IL1RAPL2: variants seen among roughly 807,000 people sequenced by gnomAD.
The protein encoded by IL1RAPL2 is interleukin 1 receptor accessory protein like 2.
IL1RAPL2 carries 3 observed loss-of-function variants against 44.1 expected under a neutral mutation model. The observed-to-expected ratio is 0.07, with a 90% CI of 0.03 to 0.18. IL1RAPL2 has a LOEUF of 0.18. Among genes scored for constraint, IL1RAPL2 ranks in the 10% least tolerant of loss-of-function variants. The pLI, the probability that IL1RAPL2 is intolerant of heterozygous loss-of-function variation, is 1.00. For synonymous variants in IL1RAPL2, 181 were observed against 178.8 expected (o/e 1.01, Z -0.10); for missense variants, 391 against 496.4 (o/e 0.79, Z 2.02).
intron 2 of IL1RAPL2, among the ~76,000 whole-genome samples, chrX:105,129,781 C>T (rs1040031217): frequency 9.1e-6 from 1 of 109,931 alleles, no homozygotes; most frequent in African/African-American, 3.3e-5. Context: ...GATGCCCTCA[C>T]CATCCACCAA....
At chrX:105,286,750 A>G (rs1354883948) in intron 5 of IL1RAPL2, among the ~76,000 whole-genome samples, 1 of 111,742 alleles carries the variant, frequency 8.9e-6, no homozygotes, top group Non-Finnish European at 1.9e-5. Context: ...TAACCCTTTC[A>G]TTAAACCACT....
chrX:105,673,039 C>T (rs766305973), intron 6 of IL1RAPL2, among the ~76,000 whole-genome samples: 2 of 111,357 alleles, frequency 1.8e-5, no homozygotes, highest in Non-Finnish European at 3.8e-5. Context: ...GCCTTCTTCT[C>T]CCTGTTTTTC....
intron 2 of IL1RAPL2, among the ~76,000 whole-genome samples, chrX:105,083,733 G>T (rs1256803840): frequency 1.8e-5 from 2 of 111,850 alleles, no homozygotes; most frequent in Non-Finnish European, 3.8e-5. Flanking sequence ...CATAAGTAAA[G>T]GAGAAATAGA....
At position 104,613,799 on chromosome X, in the gene IL1RAPL2, A is replaced by G. The variant is rs1350125406; in HGVS notation, c.-19-45096A>G. ...ATTTGGATGTAAATCCATCAGGTCC[A>G]GGGCATGTTTTTTTTTTTTTTTTTT... On this transcript the variant is annotated intron_variant, in intron 1 of 10. Transcript: ENST00000372582. 1.8e-4 allele frequency among the ~76,000 whole-genome samples: 17 copies of G among 92,930 alleles called. No individual in the cohort carries two copies. The East Asian group carries it at 5.8e-3, about 31-fold the overall frequency. The allele number at this position is 92,930 out of a possible 115,157, so 80.7% of individuals were successfully genotyped here.
At chrX:105,736,401 GAAA>G (rs377272878) in intron 7 of IL1RAPL2, among the ~76,000 whole-genome samples, 2 of 92,059 alleles carry the variant, frequency 2.2e-5, no homozygotes, top group East Asian at 6.9e-4. Flanking sequence ...CTTCTGCACA[GAAA>G]AAAAAAAAAC....
At chrX:104,685,884 C>T (rs371056915) in intron 2 of IL1RAPL2, among the ~76,000 whole-genome samples, 9 of 108,757 alleles carry the variant, frequency 8.3e-5, no homozygotes, top group Non-Finnish European at 1.1e-4. Context: ...GCTAAGATTG[C>T]GCCACTGCAC....
intron 2 of IL1RAPL2, among the ~76,000 whole-genome samples, chrX:105,168,452 T>TGC (rs1556121484): frequency 3.1e-5 from 3 of 97,217 alleles, no homozygotes; most frequent in Non-Finnish European, 6.3e-5. Context: ...TGTGTGTGTG[T>TGC]GCACGTGCAT....
In IL1RAPL2 at chrX:105,011,622, G is replaced by A. The variant is rs1418369017; in HGVS notation, c.83-183853G>A. On this transcript the variant is annotated intron_variant, in intron 2 of 10. Coordinates refer to ENST00000372582, the MANE Select transcript of IL1RAPL2 (RefSeq NM_017416.2). ...CAAGATGTTAGAAAGGTTCATCAATGTGTAGCATGAATCAGTACTTCGTTC... is the reference window on the plus strand; with the variant it reads ...CAAGATGTTAGAAAGGTTCATCAATATGTAGCATGAATCAGTACTTCGTTC... Among the ~76,000 whole-genome samples the A allele has an allele frequency of 4.5e-5, 5 of 111,483 alleles. 1 individual carries two copies. The highest frequency in any genetic ancestry group is 9.5e-5 in the Non-Finnish European group (5 of 52,865).
At chrX:105,350,544 A>G (rs2035144831) in intron 5 of IL1RAPL2, among the ~76,000 whole-genome samples, 2 of 111,838 alleles carry the variant, frequency 1.8e-5, no homozygotes, top group South Asian at 7.6e-4. Context: ...ACCAACATAG[A>G]GAAACCCCGT....
chrX:105,078,807 C>T (rs1007155785), intron 2 of IL1RAPL2, among the ~76,000 whole-genome samples: 27 of 112,686 alleles, frequency 2.4e-4, no homozygotes, highest in African/African-American at 7.7e-4. Context: ...GAGCGAGGCT[C>T]CATGGGCATA....
intron 6 of IL1RAPL2, among the ~76,000 whole-genome samples, chrX:105,599,564 G>A (rs1018375959): frequency 6.3e-5 from 7 of 110,854 alleles, no homozygotes; most frequent in Non-Finnish European, 5.7e-5. Context: ...AATATAGGAG[G>A]CACCAAAGAA....
intron 6 of IL1RAPL2, among the ~76,000 whole-genome samples, chrX:105,601,460 T>C (rs1454646055): frequency 9.0e-6 from 1 of 110,705 alleles, no homozygotes; most frequent in Admixed American, 9.6e-5. Context: ...CAGACAGAAA[T>C]GAAGCACCCA....
At chrX:105,646,586 A>G (rs901341409) in intron 6 of IL1RAPL2, among the ~76,000 whole-genome samples, 3 of 111,974 alleles carry the variant, frequency 2.7e-5, no homozygotes, top group African/African-American at 9.8e-5. Flanking sequence ...GTGCAGTGGA[A>G]GATATAAAAA....
intron 3 of IL1RAPL2, among the ~76,000 whole-genome samples, chrX:105,203,973 G>A (rs1005626529): frequency 9.0e-6 from 1 of 111,367 alleles, no homozygotes; most frequent in African/African-American, 3.3e-5. Flanking sequence ...GGATCCTCCT[G>A]CCCAAAAAAG....
chrX:105,321,538 A>G (rs745592074), intron 5 of IL1RAPL2, among the ~76,000 whole-genome samples: 1 of 112,227 alleles, frequency 8.9e-6, no homozygotes, highest in African/African-American at 3.2e-5. Context: ...GCCCTTTTAC[A>G]TGCAGAGCCC....
intron 2 of IL1RAPL2, among the ~76,000 whole-genome samples, chrX:105,120,155 G>T (rs1177551217): frequency 9.3e-6 from 1 of 107,623 alleles, no homozygotes; most frequent in African/African-American, 3.4e-5. Context: ...ATGTGGGGCT[G>T]CAAGATAGCT....
intron 2 of IL1RAPL2, among the ~76,000 whole-genome samples, chrX:104,735,412 T>C (rs1382739888): frequency 1.8e-5 from 2 of 110,999 alleles, no homozygotes; most frequent in Non-Finnish European, 3.8e-5. Flanking sequence ...CTGATGTCCA[T>C]GAATGGCAGT....
chrX:105,119,810 T>C (rs2032902814), intron 2 of IL1RAPL2, among the ~76,000 whole-genome samples: 1 of 111,054 alleles, frequency 9.0e-6, no homozygotes, highest in Non-Finnish European at 1.9e-5. Flanking sequence ...GACTAATGTA[T>C]CAAATACATC....
chrX:104,738,254 G>A (rs1304268900), intron 2 of IL1RAPL2, among the ~76,000 whole-genome samples: 1 of 111,681 alleles, frequency 9.0e-6, no homozygotes, highest in Non-Finnish European at 1.9e-5. Context: ...TAATTATCCT[G>A]GACTTCCTTT....
Sources: gnomAD v4.1 joint callset for allele counts (sites outside exome capture counted in the v4.1 genomes callset) on GRCh38, gnomAD v4.1.1 for gene constraint, MANE v1.5 for transcripts, NCBI Gene and HGNC (gene_info 2026-07-23, HGNC 2026-07-21) for gene names.